ZFP69: variants seen among roughly 807,000 people sequenced by gnomAD.
The protein encoded by ZFP69 is zinc finger protein 69 homolog.
A neutral mutation model predicts 48.9 loss-of-function variants in ZFP69; 35 were observed. The ratio of observed to expected loss-of-function variants is 0.72; its 90% CI spans 0.55 to 0.95. ZFP69 has a LOEUF of 0.95. ZFP69 is among the 40% of genes least tolerant of loss of function. ZFP69 has a pLI of 0.00. For synonymous variants in ZFP69, 193 were observed against 216.8 expected, an observed-to-expected ratio of 0.89 and a Z score of 0.96; for missense variants, 557 against 638.4, an observed-to-expected ratio of 0.87 and a Z score of 1.37.
intron 3 of ZFP69, among the ~76,000 whole-genome samples, chr1:40,487,219 G>A (rs547779838): frequency 1.1e-4 from 17 of 152,212 alleles, no homozygotes; most frequent in Middle Eastern, 3.4e-3. Context: ...CACTGCGCCC[G>A]GCCTACAGTT....
At chr1:40,484,086 A>G (rs768864151) in intron 3 of ZFP69, among the ~76,000 whole-genome samples, 58 of 152,194 alleles carry the variant, frequency 3.8e-4, no homozygotes, top group Non-Finnish European at 6.8e-4. Context: ...AAAAAAAATA[A>G]ATAAATAAAA....
intron 3 of ZFP69, among the ~76,000 whole-genome samples, chr1:40,485,717 C>T (rs745820311): frequency 3.3e-5 from 5 of 152,126 alleles, no homozygotes; most frequent in African/African-American, 1.2e-4. Flanking sequence ...TTTATATTAT[C>T]TTCCTATTTG....
intron 5 of ZFP69, chr1:40,490,676 T>G (rs1645559003): frequency 6.6e-6 from 1 of 152,260 alleles, no homozygotes; most frequent in South Asian, 2.1e-4. Context: ...TCTACAAATC[T>G]TTAATTTTCC....
intron 3 of ZFP69, among the ~76,000 whole-genome samples, chr1:40,484,085 A>T (rs1385580021): frequency 6.6e-6 from 1 of 152,160 alleles, no homozygotes; most frequent in East Asian, 1.9e-4. Flanking sequence ...CAAAAAAAAT[A>T]AATAAATAAA....
chr1:40,495,882 A>G lies in ZFP69; in HGVS notation c.1404A>G (p.Glu468=). The change falls in exon 6 of 6, where the codon GAA becomes GAG. Residue 468 remains glutamate (E), a synonymous_variant. Coordinates refer to ENST00000372706, the MANE Select transcript of ZFP69 (RefSeq NM_001320179.2). ...KTVHTGVKAY[E]CNRCGKAYRH... is the part of the protein sequence containing the mutation. ...TTCATACAGGAGTGAAAGCATATGA[A>G]TGCAACCGCTGTGGAAAAGCCTATA... 2 of 1,614,236 alleles carry G rather than the reference A, an allele frequency of 1.2e-6. No homozygotes were observed. The highest frequency in any genetic ancestry group is 1.7e-6 in the Non-Finnish European group (2 of 1,180,032).
intron 4 of ZFP69, 140 bp from the exon 5 acceptor site, chr1:40,489,388 CT>C (rs1426235277): frequency 9.0e-7 from 1 of 1,111,032 alleles, no homozygotes. Flanking sequence ...TGGGGAACAA[CT>C]TTACTACACA....
chr1:40,491,417 C>A (rs1645566709), intron 5 of ZFP69, among the ~76,000 whole-genome samples: 2 of 152,214 alleles, frequency 1.3e-5, no homozygotes, highest in East Asian at 3.8e-4. Flanking sequence ...TATGCACTTT[C>A]ATTTTGCTAG....
intron 3 of ZFP69, among the ~76,000 whole-genome samples, chr1:40,486,332 A>AT (rs1025205751): frequency 6.6e-6 from 1 of 151,592 alleles, no homozygotes; most frequent in South Asian, 2.1e-4. Flanking sequence ...TTTTTCAAAT[A>AT]TTTTTTCTAC....
At chr1:40,486,685 G>A (rs958648953) in intron 3 of ZFP69, among the ~76,000 whole-genome samples, 2 of 151,834 alleles carry the variant, frequency 1.3e-5, no homozygotes, top group African/African-American at 2.4e-5. Context: ...GCCTTCCAAA[G>A]TGCTAGGATT....
chr1:40,491,808 A>G (rs1393619267), intron 5 of ZFP69, among the ~76,000 whole-genome samples: 1 of 150,590 alleles, frequency 6.6e-6, no homozygotes, highest in Non-Finnish European at 1.5e-5. Flanking sequence ...TATTCATTCT[A>G]GTATAATTAT....
intron 5 of ZFP69, among the ~76,000 whole-genome samples, chr1:40,490,496 A>G (rs1456511673): frequency 6.6e-6 from 1 of 152,162 alleles, no homozygotes; most frequent in Non-Finnish European, 1.5e-5. Context: ...AGCCCTTGCA[A>G]AAGTCCCCTG....
At position 40,481,927 on chromosome 1, in the gene ZFP69, C is replaced by A. The variant is rs1007150754; in HGVS notation, c.219+73C>A. The A allele has an allele frequency of 6.8e-6, 8 of 1,171,398 alleles. No individual in the cohort carries two copies. In the Admixed American group the frequency reaches 1.4e-4, roughly 20 times the overall value. The allele number at this position is 1,171,398 out of a possible 1,614,324, so 72.6% of individuals were successfully genotyped here. A position where few individuals can be genotyped will look rare whatever the true frequency, so the allele number is the denominator to read the frequency against. On this transcript the variant is annotated intron_variant, in intron 3 of 5. Coordinates refer to ENST00000372706, the MANE Select transcript of ZFP69 (RefSeq NM_001320179.2). Reference sequence around the variant, plus strand: ...TAGGGTATATAACCTGTCTTTTTTGCAGAGGTGGGAGTGGTGGTGAGGTAG... The same window carrying A: ...TAGGGTATATAACCTGTCTTTTTTGAAGAGGTGGGAGTGGTGGTGAGGTAG...
At chr1:40,490,019 G>A (rs112542256) in intron 5 of ZFP69, among the ~76,000 whole-genome samples, 3,504 of 151,942 alleles carry the variant, frequency 0.023, 63 homozygotes, top group Middle Eastern at 0.088. Context: ...ACAGTTATGC[G>A]CCACCACGCT....
At chr1:40,483,411 G>T (rs1253232113) in intron 3 of ZFP69, among the ~76,000 whole-genome samples, 1 of 151,448 alleles carries the variant, frequency 6.6e-6, no homozygotes, top group Non-Finnish European at 1.5e-5. Context: ...AAAAATGACA[G>T]AAAAAATAGG....
intron 1 of ZFP69, among the ~76,000 whole-genome samples, chr1:40,478,749 G>T (rs951977168): frequency 2.0e-5 from 3 of 152,148 alleles, no homozygotes; most frequent in African/African-American, 7.2e-5. Context: ...GAAGCTGAGA[G>T]TTGAAGTGTC....
Position 40,489,694 on chromosome 1 carries a change from AG to A in ZFP69, c.442+71del, listed in dbSNP as rs1487278069. On this transcript the variant is annotated intron_variant, in intron 5 of 5. Coordinates refer to ENST00000372706, the MANE Select transcript of ZFP69 (RefSeq NM_001320179.2). ...ATACCTGAAACTTCATAATTTATAA[AG>A]AAAAGAAGTTTAATTGGCTAATGAT... 10 of 1,192,714 alleles carry A rather than the reference AG, an allele frequency of 8.4e-6. No homozygotes were observed. In the Admixed American group the frequency reaches 1.7e-4, roughly 20 times the overall value. 73.9% of individuals were successfully genotyped at this position (1,192,714 alleles called of 1,614,324 possible).
At position 40,487,874 on chromosome 1, in the gene ZFP69, C is replaced by T. The variant is rs546699013; in HGVS notation, c.220-1214C>T. ...CCAGTCTGACCAACATGGTGAAACC[C>T]GGTCTCTACTAAAAATACAAAAATT... is the stretch of plus-strand genomic sequence containing the variant. On this transcript the variant is annotated intron_variant, in intron 3 of 5. Transcript: ENST00000372706. Among the ~76,000 whole-genome samples the T allele has an allele frequency of 5.9e-4, 89 of 152,058 alleles. 1 individual carries two copies. In the South Asian group the frequency reaches 0.013, roughly 22 times the overall value.
chr1:40,489,059 G>A (rs760015574), intron 3 of ZFP69, 29 bp from the exon 4 acceptor site: 3 of 1,612,814 alleles, frequency 1.9e-6, no homozygotes, highest in Non-Finnish European at 2.5e-6. Flanking sequence ...GTGGTCTCCG[G>A]CTAAAAATGA....
chr1:40,488,523 A>G (rs1373866953), intron 3 of ZFP69, among the ~76,000 whole-genome samples: 1 of 152,202 alleles, frequency 6.6e-6, no homozygotes, highest in Non-Finnish European at 1.5e-5. Context: ...GGGAACCCCT[A>G]TCCCACCCTG....
Sources: gnomAD v4.1 joint callset for allele counts (sites outside exome capture counted in the v4.1 genomes callset) on GRCh38, gnomAD v4.1.1 for gene constraint, MANE v1.5 for transcripts, NCBI Gene and HGNC (gene_info 2026-07-23, HGNC 2026-07-21) for gene names.